The following HSD17B3 variants were observed in gnomAD, a reference collection of about 807,000 sequenced individuals.
HSD17B3 encodes the protein 17-beta-hydroxysteroid dehydrogenase type 3.
In HSD17B3, 29 loss-of-function variants were observed where a neutral mutation model predicts 41.1. The ratio of observed to expected loss-of-function variants is 0.71; its 90% CI spans 0.53 to 0.96. The LOEUF (loss-of-function observed/expected upper bound fraction) is 0.96. HSD17B3 is among the 40% of genes least tolerant of loss of function. HSD17B3 has a pLI of 0.00. For missense variants in HSD17B3, 323 were observed against 374.6 expected, an observed-to-expected ratio of 0.86 and a Z score of 1.14; for synonymous variants, 126 against 145.6, an observed-to-expected ratio of 0.87 and a Z score of 0.97.
At chr9:96,290,108 TG>T (rs1425961807) in intron 2 of HSD17B3, among the ~76,000 whole-genome samples, 1 of 152,072 alleles carries the variant, frequency 6.6e-6, no homozygotes, top group East Asian at 1.9e-4. Flanking sequence ...GGGTGAGCAG[TG>T]GCTTCAGAGG....
intron 2 of HSD17B3, among the ~76,000 whole-genome samples, chr9:96,272,904 T>C (rs13302476): frequency 6.6e-6 from 1 of 152,082 alleles, no homozygotes; most frequent in East Asian, 1.9e-4. Flanking sequence ...ACTACTGATA[T>C]AATGACGTTG....
At chr9:96,235,950 AGT>A (rs1319950758) in intron 10 of HSD17B3, among the ~76,000 whole-genome samples, 1 of 150,174 alleles carries the variant, frequency 6.7e-6, no homozygotes, top group Non-Finnish European at 1.5e-5. Flanking sequence ...GTACCATAAG[AGT>A]GTGTCACCAT....
At chr9:96,244,483 A>T (rs1030626223) in intron 8 of HSD17B3, 89 bp from the exon 9 acceptor site, 1 of 1,182,846 alleles carries the variant, frequency 8.5e-7, no homozygotes, top group Non-Finnish European at 1.3e-6. Flanking sequence ...CACTGCAGAC[A>T]CACTACCTGC....
At chr9:96,259,797 T>C (rs992931627) in intron 2 of HSD17B3, among the ~76,000 whole-genome samples, 1 of 152,220 alleles carries the variant, frequency 6.6e-6, no homozygotes, top group African/African-American at 2.4e-5. Context: ...TTTTTCTATA[T>C]ATTCAATTTG....
intron 2 of HSD17B3, among the ~76,000 whole-genome samples, chr9:96,268,315 GT>G (rs2130756393): frequency 6.6e-6 from 1 of 151,848 alleles, no homozygotes; most frequent in African/African-American, 2.4e-5. Flanking sequence ...TCCTGCTTAG[GT>G]TTTTTTAAAC....
At chr9:96,272,348 G>GCCT (rs1454371371) in intron 2 of HSD17B3, among the ~76,000 whole-genome samples, 1 of 118,496 alleles carries the variant, frequency 8.4e-6, no homozygotes, top group African/African-American at 3.2e-5. Context: ...CTGCACTCCA[G>GCCT]CCTGGGCAAC....
chr9:96,242,558 G>A (rs1397413620), intron 9 of HSD17B3, among the ~76,000 whole-genome samples: 1 of 152,196 alleles, frequency 6.6e-6, no homozygotes, highest in Non-Finnish European at 1.5e-5. Context: ...CATTCAGCGA[G>A]TATTTATTCA....
rs8190541 is a variant in HSD17B3 at position 96,251,334 on chromosome 9, C to T, written c.453+84G>A. 317,407 of 1,164,074 alleles carry T rather than the reference C, an allele frequency of 0.27. 46,355 individuals carry two copies. Among genetic ancestry groups the T allele is most frequent in the Middle Eastern group, 0.39 (1,987 of 5,130 alleles). 72.1% of individuals were successfully genotyped at this position (1,164,074 alleles called of 1,614,324 possible). ...CGGCCAGATGCATGCTTCCATCACG[C>T]CTTCCCAGGCCTGACTCATTACCCA... On this transcript the variant is annotated intron_variant, in intron 5 of 10. Transcript: ENST00000375263.
At chr9:96,256,960 T>A (rs1027811531) in intron 2 of HSD17B3, among the ~76,000 whole-genome samples, 5 of 152,172 alleles carry the variant, frequency 3.3e-5, no homozygotes, top group African/African-American at 1.2e-4. Context: ...GCTGTCGTGG[T>A]AAGAGTGAGT....
At chr9:96,277,755 G>T (rs976444196) in intron 2 of HSD17B3, among the ~76,000 whole-genome samples, 1 of 151,704 alleles carries the variant, frequency 6.6e-6, no homozygotes, top group Non-Finnish European at 1.5e-5. Context: ...GCACTCCCTT[G>T]TTCATTACAG....
At chr9:96,263,892 T>C (rs1446839364) in intron 2 of HSD17B3, among the ~76,000 whole-genome samples, 1 of 152,182 alleles carries the variant, frequency 6.6e-6, no homozygotes, top group Non-Finnish European at 1.5e-5. Context: ...AGGGATCTAT[T>C]GTACACCATG....
intron 2 of HSD17B3, chr9:96,256,350 T>C (rs1825657968): frequency 6.6e-6 from 1 of 152,020 alleles, no homozygotes; most frequent in African/African-American, 2.4e-5. Flanking sequence ...TTACGTATTA[T>C]AGGCTGGGCA....
At position 96,261,974 on chromosome 9, in the gene HSD17B3, G is replaced by A. The variant is rs184428291; in HGVS notation, c.202-7031C>T. Among the ~76,000 whole-genome samples, 23 of 152,258 alleles carry A rather than the reference G, an allele frequency of 1.5e-4. No individual in the cohort carries two copies. The East Asian group carries it at 2.7e-3, about 18-fold the overall frequency. On this transcript the variant is annotated intron_variant, in intron 2 of 10. Coordinates refer to ENST00000375263, the MANE Select transcript of HSD17B3 (RefSeq NM_000197.2). ...TGCAGGTGACTGGCACTGTAACTAC[G>A]AAGTGAAACCATGTTTGCATCTGAA...
chr9:96,250,059 G>T, intron 5 of HSD17B3: 1 of 1,407,094 alleles, frequency 7.1e-7, no homozygotes, highest in Admixed American at 2.9e-5. Flanking sequence ...ATTCCTGGAG[G>T]AATATAAATA....
chr9:96,264,816 G>A (rs1825994533), intron 2 of HSD17B3, among the ~76,000 whole-genome samples: 2 of 152,124 alleles, frequency 1.3e-5, no homozygotes, highest in South Asian at 4.1e-4. Context: ...GTCTATAAAA[G>A]CTTATTTACT....
At chr9:96,259,390 T>A (rs1224191836) in intron 2 of HSD17B3, among the ~76,000 whole-genome samples, 2 of 152,156 alleles carry the variant, frequency 1.3e-5, no homozygotes, top group East Asian at 3.8e-4. Flanking sequence ...TCAGCGCAAG[T>A]CAGTTGTTGT....
intron 2 of HSD17B3, among the ~76,000 whole-genome samples, chr9:96,277,708 C>T (rs1826521008): frequency 6.6e-6 from 1 of 152,066 alleles, no homozygotes; most frequent in African/African-American, 2.4e-5. Context: ...GGCTATATAT[C>T]CAAAGGAAAT....
intron 2 of HSD17B3, among the ~76,000 whole-genome samples, chr9:96,294,661 A>G (rs1010027214): frequency 2.6e-5 from 4 of 152,240 alleles, no homozygotes; most frequent in African/African-American, 9.6e-5. Flanking sequence ...TGGTTGACAT[A>G]TTAGGTCTTT....
intron 2 of HSD17B3, among the ~76,000 whole-genome samples, chr9:96,255,999 C>G (rs8190534): frequency 0.2 from 30,942 of 152,172 alleles, 3,335 homozygotes; most frequent in South Asian, 0.35. Context: ...GGAGATGTGT[C>G]TGTACCTAAA....
Sources: allele counts gnomAD v4.1 joint callset (sites outside exome capture counted in the v4.1 genomes callset), GRCh38; gene constraint gnomAD v4.1.1; transcripts MANE v1.5; gene names NCBI Gene and HGNC (gene_info 2026-07-23, HGNC 2026-07-21).